Variants in MIGA1 observed in about 807,000 individuals in gnomAD.
MIGA1 encodes mitoguardin 1.
A neutral mutation model predicts 82.0 loss-of-function variants in MIGA1; 58 were observed. The observed-to-expected ratio is 0.71, with a 90% CI of 0.57 to 0.88. The LOEUF is 0.88. Ranked by LOEUF, MIGA1 falls within the 40% of genes least tolerant of loss-of-function variation. MIGA1 has a pLI of 0.00. For synonymous variants in MIGA1, 249 were observed against 253.6 expected (o/e 0.98, Z 0.17); for missense variants, 751 against 749.1 (o/e 1.00, Z -0.03).
At chr1:77,793,404 A>G (rs913375472) in intron 2 of MIGA1, among the ~76,000 whole-genome samples, 2 of 150,054 alleles carry the variant, frequency 1.3e-5, no homozygotes, top group African/African-American at 4.9e-5. Flanking sequence ...TGCCCAGCCT[A>G]TTTGCTTTTT....
intron 8 of MIGA1, chr1:77,847,933 C>A: frequency 7.2e-7 from 1 of 1,384,830 alleles, no homozygotes; most frequent in Non-Finnish European, 1.0e-6. Context: ...GAGTGAACTG[C>A]AGAAGGGAAA....
chr1:77,839,659 C>T (rs1684557261), intron 7 of MIGA1, among the ~76,000 whole-genome samples: 1 of 152,042 alleles, frequency 6.6e-6, no homozygotes, highest in African/African-American at 2.4e-5. Flanking sequence ...AGACGTGAGC[C>T]ATTGCACCCA....
intron 7 of MIGA1, among the ~76,000 whole-genome samples, chr1:77,833,276 A>G (rs564514434): frequency 1.1e-4 from 16 of 152,342 alleles, no homozygotes; most frequent in Admixed American, 5.2e-4. Flanking sequence ...CTAAATATAC[A>G]GAGTACACAT....
intron 8 of MIGA1, among the ~76,000 whole-genome samples, chr1:77,854,714 T>C (rs1210875609): frequency 6.6e-6 from 1 of 152,236 alleles, no homozygotes; most frequent in Non-Finnish European, 1.5e-5. Context: ...TTGAGAATTG[T>C]CTATTCATGT....
intron 5 of MIGA1, chr1:77,811,819 A>G (rs1370716138): frequency 6.4e-5 from 51 of 802,444 alleles, no homozygotes; most frequent in Non-Finnish European, 7.6e-5. Context: ...CCCCTACCCC[A>G]GCAAGGCCGG....
Position 77,870,427 on chromosome 1 carries a change from G to A in MIGA1, c.1564-2577G>A, listed in dbSNP as rs1284066202. Among the ~76,000 whole-genome samples, 271 of 93,660 alleles carry A rather than the reference G, an allele frequency of 2.9e-3. No homozygotes were observed. The Middle Eastern group carries it at 0.032, about 11-fold the overall frequency. The allele number at this position is 93,660 out of a possible 152,430, so 61.4% of individuals were successfully genotyped here. A position where few individuals can be genotyped will look rare whatever the true frequency, so the allele number is the denominator to read the frequency against. Reference sequence around the variant, plus strand: ...GACAGGGTTGCGGCCCAGCAGAGGCGCTCCTCACATCCCAGACAGGGCGGC... The same window carrying A: ...GACAGGGTTGCGGCCCAGCAGAGGCACTCCTCACATCCCAGACAGGGCGGC... On this transcript the variant is annotated intron_variant, in intron 14 of 15. Transcript: ENST00000370791.
At chr1:77,822,920 GCCA>G (rs1683878745) in intron 7 of MIGA1, among the ~76,000 whole-genome samples, 2 of 143,914 alleles carry the variant, frequency 1.4e-5, no homozygotes, top group African/African-American at 5.2e-5. Flanking sequence ...TTGGCTCGCT[GCCA>G]CCTCCACCTC....
intron 7 of MIGA1, among the ~76,000 whole-genome samples, chr1:77,840,768 C>T (rs369766490): frequency 3.3e-5 from 5 of 152,082 alleles, no homozygotes; most frequent in Middle Eastern, 3.4e-3. Flanking sequence ...GCCAAGGTCG[C>T]GCCATTGCAC....
rs146435274 is a variant in MIGA1, at chr1:77,804,858, A to T, written c.510+1452A>T. On this transcript the variant is annotated intron_variant, in intron 4 of 15. Transcript: ENST00000370791. ...TGGCTAGGCTGGTCTCGAACTCCTGACCTGGTGATCTGCCTACCTCAGCCT... is the reference window on the plus strand; with the variant it reads ...TGGCTAGGCTGGTCTCGAACTCCTGTCCTGGTGATCTGCCTACCTCAGCCT... Among the ~76,000 whole-genome samples the T allele has an allele frequency of 5.0e-4, 76 of 152,030 alleles. No individual in the cohort carries two copies. In the East Asian group the frequency reaches 0.014, roughly 28 times the overall value.
At chr1:77,781,810 C>T (rs866511339) in intron 1 of MIGA1, among the ~76,000 whole-genome samples, 1 of 152,100 alleles carries the variant, frequency 6.6e-6, no homozygotes, top group South Asian at 2.1e-4. Flanking sequence ...GTAGTAGTAA[C>T]CCACCCTAAG....
At chr1:77,866,285 G>A (rs767700829) in intron 13 of MIGA1, 53 bp from the exon 14 acceptor site, 24 of 1,515,084 alleles carry the variant, frequency 1.6e-5, no homozygotes, top group Non-Finnish European at 2.1e-5. Context: ...TAATAAAAAT[G>A]GAAATGTTTA....
chr1:77,848,562 G>C, intron 8 of MIGA1: 1 of 1,338,374 alleles, frequency 7.5e-7, no homozygotes, highest in Non-Finnish European at 1.0e-6. Flanking sequence ...TGAGAAACAT[G>C]ACAAAAGACA....
At chr1:77,871,116 A>AGAG (rs1685972026) in intron 14 of MIGA1, among the ~76,000 whole-genome samples, 1 of 16,028 alleles carries the variant, frequency 6.2e-5, no homozygotes, top group Non-Finnish European at 2.1e-4. Context: ...AGGGAGAGGG[A>AGAG]GAGGGAGAGG....
rs1296124524 is a variant in MIGA1, at chr1:77,844,113, A to AAATATATAT, written c.996+707_996+708insATATATATA. 1.1e-3 allele frequency among the ~76,000 whole-genome samples: 103 copies of AAATATATAT among 90,038 alleles called. 1 individual carries two copies. Among genetic ancestry groups the AAATATATAT allele is most frequent in the Middle Eastern group, 6.0e-3 (1 of 166 alleles). The allele number at this position is 90,038 out of a possible 152,430, so 59.1% of individuals were successfully genotyped here. On this transcript the variant is annotated intron_variant, in intron 8 of 15. Transcript: ENST00000370791. Reference sequence around the variant, plus strand: ...AAGACCCTGTCTTAAAAAAAAAAAAAATATATATATATATATATATATATA... The same window carrying AAATATATAT: ...AAGACCCTGTCTTAAAAAAAAAAAAAAATATATATATATATATATATATATATATATATA...
chr1:77,854,392 C>T (rs1053521063), intron 8 of MIGA1, among the ~76,000 whole-genome samples: 21 of 152,282 alleles, frequency 1.4e-4, no homozygotes, highest in Non-Finnish European at 1.5e-5. Flanking sequence ...CGAATGATGA[C>T]TTCTTTTCCT....
At chr1:77,864,573 G>C (rs1408532839) in intron 13 of MIGA1, among the ~76,000 whole-genome samples, 1 of 152,136 alleles carries the variant, frequency 6.6e-6, no homozygotes, top group African/African-American at 2.4e-5. Flanking sequence ...CTACTCGGGA[G>C]GCTGAGGTGT....
chr1:77,847,851 G>T, intron 8 of MIGA1: 2 of 1,606,618 alleles, frequency 1.2e-6, no homozygotes, highest in Non-Finnish European at 1.7e-6. Context: ...TGATGTGAAA[G>T]TAGAGGAAAA....
intron 1 of MIGA1, among the ~76,000 whole-genome samples, chr1:77,781,543 AG>A (rs1271015252): frequency 6.6e-6 from 1 of 152,222 alleles, no homozygotes; most frequent in Non-Finnish European, 1.5e-5. Context: ...CAGACTTATA[AG>A]GAAAAGCAGT....
chr1:77,808,387 A>G (rs1683188661), intron 5 of MIGA1, among the ~76,000 whole-genome samples: 1 of 152,166 alleles, frequency 6.6e-6, no homozygotes, highest in African/African-American at 2.4e-5. Flanking sequence ...TTGGGTGACC[A>G]TTATTCAGCC....
Sources: allele counts gnomAD v4.1 joint callset (sites outside exome capture counted in the v4.1 genomes callset), GRCh38; gene constraint gnomAD v4.1.1; transcripts MANE v1.5; gene names NCBI Gene and HGNC (gene_info 2026-07-23, HGNC 2026-07-21).